Variants in TRPM3 observed in about 807,000 individuals in gnomAD.
The protein encoded by TRPM3 is long transient receptor potential channel 3.
Under a neutral mutation model 181.2 loss-of-function variants are expected in TRPM3, and 77 were observed. The ratio of observed to expected loss-of-function variants is 0.42; its 90% CI spans 0.35 to 0.51. The LOEUF is 0.51. Among genes scored for constraint, TRPM3 ranks in the 20% least tolerant of loss-of-function variants. The pLI, the probability that TRPM3 is intolerant of heterozygous loss-of-function variation, is 0.01. For synonymous variants in TRPM3, 745 were observed against 796.4 expected, an observed-to-expected ratio of 0.94 and a Z score of 1.09; for missense variants, 1,759 against 2,196.7, an observed-to-expected ratio of 0.80 and a Z score of 3.98.
At chr9:71,358,594 C>T (rs1437543532) in intron 1 of TRPM3, among the ~76,000 whole-genome samples, 9 of 152,126 alleles carry the variant, frequency 5.9e-5, no homozygotes, top group Non-Finnish European at 1.3e-4. Context: ...TCAGCAAGCC[C>T]TCTAACAAGA....
chr9:70,738,983 T>TA (rs141499819), intron 8 of TRPM3, among the ~76,000 whole-genome samples: 7,198 of 149,386 alleles, frequency 0.048, 197 homozygotes, highest in Non-Finnish European at 0.058. Context: ...GAAATGGTAA[T>TA]AAAAAAAAAA....
At chr9:71,199,693 T>C (rs1486779725) in intron 1 of TRPM3, among the ~76,000 whole-genome samples, 5 of 152,146 alleles carry the variant, frequency 3.3e-5, no homozygotes, top group Non-Finnish European at 5.9e-5. Flanking sequence ...GATGGTAGTT[T>C]GTATTTCTGT....
At position 71,151,969 on chromosome 9, in the gene TRPM3, A is replaced by G. The variant is rs938114927; in HGVS notation, c.184-287458T>C. Among the ~76,000 whole-genome samples the G allele has an allele frequency of 2.6e-5, 4 of 152,168 alleles. No individual in the cohort carries two copies. In the East Asian group the frequency reaches 7.7e-4, roughly 29 times the overall value. On this transcript the variant is annotated intron_variant, in intron 1 of 24. Coordinates refer to the TRPM3 transcript ENST00000357533. The stretch of plus-strand genomic sequence containing the variant: ...AAAATGTATGTTATAAAAACCAGGG[A>G]AAGATATATCTACTTTTCCTTTTCA...
At chr9:70,876,720 T>C (rs1307167601) in intron 1 of TRPM3, among the ~76,000 whole-genome samples, 1 of 151,980 alleles carries the variant, frequency 6.6e-6, no homozygotes, top group African/African-American at 2.4e-5. Context: ...ATAATCGGAT[T>C]CTTCTGAGAC....
rs1158531909 is a variant in TRPM3 at position 71,162,236 on chromosome 9, G to GAAAAA, written c.183+284412_183+284416dup. Among the ~76,000 whole-genome samples the GAAAAA allele has an allele frequency of 7.2e-5, 10 of 139,420 alleles. 1 individual carries two copies. The highest frequency in any genetic ancestry group is 3.6e-4 in the Admixed American group (5 of 13,958). The allele number at this position is 139,420 out of a possible 152,430, so 91.5% of individuals were successfully genotyped here. On this transcript the variant is annotated intron_variant, in intron 1 of 24. Transcript: ENST00000357533. ...AAAAAAAAAAGAAGAAAAAGAAAAA[G>GAAAAA]AAAAAAGGAAATAGCTGCATTGTGG... is the stretch of plus-strand genomic sequence containing the variant.
chr9:71,090,874 A>T (rs947164849), intron 1 of TRPM3, among the ~76,000 whole-genome samples: 2 of 152,150 alleles, frequency 1.3e-5, no homozygotes, highest in African/African-American at 4.8e-5. Flanking sequence ...GGAAGTACTT[A>T]AAAAATGTTA....
At chr9:70,634,394 T>C (rs1275468292) in intron 12 of TRPM3, among the ~76,000 whole-genome samples, 1 of 152,210 alleles carries the variant, frequency 6.6e-6, no homozygotes, top group Non-Finnish European at 1.5e-5. Flanking sequence ...ATTACAGGCA[T>C]GAGTCTCTGT....
At chr9:70,777,804 A>ATGG (rs1236163361) in intron 7 of TRPM3, among the ~76,000 whole-genome samples, 2 of 152,300 alleles carry the variant, frequency 1.3e-5, no homozygotes, top group African/African-American at 2.4e-5. Context: ...CATTCAAAAA[A>ATGG]TACCTAAGTG....
At chr9:71,387,787 C>T (rs2092961160) in intron 1 of TRPM3, among the ~76,000 whole-genome samples, 1 of 152,042 alleles carries the variant, frequency 6.6e-6, no homozygotes, top group South Asian at 2.1e-4. Context: ...AAATTTTAAA[C>T]CAAAATACTA....
At chr9:71,099,538 ACC>A (rs2067942353) in intron 1 of TRPM3, among the ~76,000 whole-genome samples, 3 of 151,894 alleles carry the variant, frequency 2.0e-5, no homozygotes, top group Non-Finnish European at 2.9e-5. Flanking sequence ...ATGCCAGCTC[ACC>A]CCTCCTCTCT....
chr9:70,562,013 C>T (rs1172769475), intron 22 of TRPM3, among the ~76,000 whole-genome samples: 3 of 152,328 alleles, frequency 2.0e-5, no homozygotes, highest in East Asian at 1.9e-4. Flanking sequence ...AATTTCACAA[C>T]AATGTAGCGT....
intron 1 of TRPM3, among the ~76,000 whole-genome samples, chr9:71,126,676 A>T (rs2074049073): frequency 6.6e-6 from 1 of 152,194 alleles, no homozygotes; most frequent in Non-Finnish European, 1.5e-5. Flanking sequence ...TACATGACTC[A>T]CTTTGTTAAG....
At chr9:71,215,602 T>A (rs2079815491) in intron 1 of TRPM3, among the ~76,000 whole-genome samples, 1 of 152,238 alleles carries the variant, frequency 6.6e-6, no homozygotes. Flanking sequence ...TTACTACTAA[T>A]GAACACACTA....
intron 1 of TRPM3, among the ~76,000 whole-genome samples, chr9:71,321,793 C>A (rs1301683362): frequency 6.6e-6 from 1 of 152,022 alleles, no homozygotes; most frequent in Non-Finnish European, 1.5e-5. Flanking sequence ...ACTTATTGAG[C>A]AATTAGTCCA....
intron 1 of TRPM3, among the ~76,000 whole-genome samples, chr9:71,215,033 C>CAAAAAACAAAA (rs2079758038): frequency 9.5e-6 from 1 of 105,820 alleles, no homozygotes; most frequent in African/African-American, 4.0e-5. Flanking sequence ...CACCAAAAAA[C>CAAAAAACAAAA]AAAAAAAAAA....
chr9:70,898,526 G>A (rs112047329), intron 1 of TRPM3, among the ~76,000 whole-genome samples: 1 of 150,492 alleles, frequency 6.6e-6, no homozygotes, highest in Non-Finnish European at 1.5e-5. Context: ...AAGGCGGGCG[G>A]ATCACGAGGC....
intron 1 of TRPM3, among the ~76,000 whole-genome samples, chr9:71,206,679 G>A (rs928167193): frequency 3.3e-5 from 5 of 152,178 alleles, no homozygotes; most frequent in Non-Finnish European, 5.9e-5. Flanking sequence ...GTCCTAAATG[G>A]TATTGCCTAG....
intron 1 of TRPM3, among the ~76,000 whole-genome samples, chr9:71,247,218 G>A (rs2131997865): frequency 6.6e-6 from 1 of 152,158 alleles, no homozygotes; most frequent in South Asian, 2.1e-4. Flanking sequence ...GCTGGGCGTG[G>A]TGGCACATGC....
chr9:70,962,077 A>C (rs771383689), intron 1 of TRPM3, among the ~76,000 whole-genome samples: 2 of 152,142 alleles, frequency 1.3e-5, no homozygotes, highest in East Asian at 3.9e-4. Context: ...TCTCAAAGAC[A>C]CTTTCCCAGG....
Sources: allele counts gnomAD v4.1 joint callset (sites outside exome capture counted in the v4.1 genomes callset), GRCh38; gene constraint gnomAD v4.1.1; transcripts MANE v1.5; gene names NCBI Gene and HGNC (gene_info 2026-07-23, HGNC 2026-07-21).